Variants in SCHIP1 observed in about 807,000 individuals in gnomAD.
SCHIP1 encodes schwannomin interacting protein 1.
In SCHIP1, 8 loss-of-function variants were observed where a neutral mutation model predicts 29.7. The ratio of observed to expected loss-of-function variants is 0.27; its 90% CI spans 0.16 to 0.49. SCHIP1 has a LOEUF of 0.49. Among genes scored for constraint, SCHIP1 ranks in the 20% least tolerant of loss-of-function variants. The pLI, the probability that SCHIP1 is intolerant of heterozygous loss-of-function variation, is 0.99. For synonymous variants in SCHIP1, 76 were observed against 94.9 expected (o/e 0.80, Z 1.16); for missense variants, 193 against 294.6 (o/e 0.66, Z 2.52).
intron 1 of SCHIP1, among the ~76,000 whole-genome samples, chr3:159,850,019 G>A (rs1712368860): frequency 6.6e-6 from 1 of 152,218 alleles, no homozygotes; most frequent in South Asian, 2.1e-4. Flanking sequence ...CACAGTGGCT[G>A]TTGGAAAGAA....
At chr3:159,492,100 A>G in the SCHIP1 span, among the ~76,000 whole-genome samples, 8 of 152,310 alleles carry the variant, frequency 5.3e-5, no homozygotes, top group South Asian at 6.2e-4. Context: ...CCCCATCTGT[A>G]TGTCACCATC....
chr3:159,714,630 C>T, the SCHIP1 span, among the ~76,000 whole-genome samples: 21 of 152,308 alleles, frequency 1.4e-4, no homozygotes, highest in East Asian at 5.8e-4. Flanking sequence ...CCTACGCCCA[C>T]GGAGCCTTGC....
the SCHIP1 span, among the ~76,000 whole-genome samples, chr3:159,668,233 C>T: frequency 4.7e-4 from 71 of 152,034 alleles, 1 homozygote; most frequent in Middle Eastern, 3.4e-3. Context: ...AAAAATTAGC[C>T]GGGCGTGGTG....
chr3:159,381,067 C>T, the SCHIP1 span, among the ~76,000 whole-genome samples: 1,472 of 152,216 alleles, frequency 9.7e-3, 30 homozygotes, highest in African/African-American at 0.034. Context: ...CAAGGAGATG[C>T]TTAATTTACT....
chr3:159,432,789 T>C, the SCHIP1 span, among the ~76,000 whole-genome samples: 1 of 152,194 alleles, frequency 6.6e-6, no homozygotes, highest in African/African-American at 2.4e-5. Context: ...GGGCAGTGTT[T>C]GCATTGATAA....
chr3:159,498,027 TC>T, the SCHIP1 span, among the ~76,000 whole-genome samples: 1 of 152,228 alleles, frequency 6.6e-6, no homozygotes, highest in Non-Finnish European at 1.5e-5. Flanking sequence ...AAATAGTTTT[TC>T]TCAATCAAGC....
At chr3:159,380,469 C>T in the SCHIP1 span, among the ~76,000 whole-genome samples, 8,766 of 152,130 alleles carry the variant, frequency 0.058, 443 homozygotes, top group African/African-American at 0.13. Flanking sequence ...TATTTCTTTT[C>T]GTAAAAAATA....
At chr3:159,458,563 TC>T in the SCHIP1 span, among the ~76,000 whole-genome samples, 2 of 132,276 alleles carry the variant, frequency 1.5e-5, no homozygotes, top group African/African-American at 2.9e-5. Context: ...AACTGACTTT[TC>T]TTTTTTTTTT....
chr3:159,351,030 T>C, the SCHIP1 span, among the ~76,000 whole-genome samples: 1 of 152,148 alleles, frequency 6.6e-6, no homozygotes, highest in Admixed American at 6.6e-5. Context: ...ATCTGCACAG[T>C]ATTTTGAAAT....
the SCHIP1 span, among the ~76,000 whole-genome samples, chr3:159,532,610 T>A: frequency 2.6e-5 from 4 of 152,102 alleles, no homozygotes; most frequent in African/African-American, 9.7e-5. Context: ...AGGAAAAAAA[T>A]GTCTAAAACA....
At chr3:159,784,310 G>C in the SCHIP1 span, among the ~76,000 whole-genome samples, 4 of 152,240 alleles carry the variant, frequency 2.6e-5, no homozygotes, top group Admixed American at 2.6e-4. Context: ...ATGAAAGAGA[G>C]AAACTCTGTG....
the SCHIP1 span, among the ~76,000 whole-genome samples, chr3:159,364,311 A>G: frequency 6.6e-6 from 1 of 152,226 alleles, no homozygotes; most frequent in African/African-American, 2.4e-5. Context: ...CAATAAAAAT[A>G]CTTCTTGATT....
chr3:159,655,213 T>C, the SCHIP1 span, among the ~76,000 whole-genome samples: 1 of 152,242 alleles, frequency 6.6e-6, no homozygotes, highest in African/African-American at 2.4e-5. Context: ...TGCTACCAGT[T>C]ACTACTGTTG....
the SCHIP1 span, among the ~76,000 whole-genome samples, chr3:159,746,357 G>A: frequency 7.6e-4 from 115 of 152,214 alleles, 1 homozygote; most frequent in Non-Finnish European, 2.6e-4. Context: ...TCACGTGGGA[G>A]AGTACATTGT....
the SCHIP1 span, among the ~76,000 whole-genome samples, chr3:159,690,277 G>C: frequency 3.3e-5 from 5 of 152,202 alleles, no homozygotes; most frequent in Admixed American, 3.3e-4. Context: ...TTCAGAACTT[G>C]TTATTGGTCT....
At chr3:159,582,787 T>TATACACACAC in the SCHIP1 span, among the ~76,000 whole-genome samples, 5 of 144,138 alleles carry the variant, frequency 3.5e-5, no homozygotes, top group South Asian at 2.2e-4. Context: ...AATATATATA[T>TATACACACAC]ACACACACAC....
chr3:159,698,171 C>A, the SCHIP1 span, among the ~76,000 whole-genome samples: 5 of 152,248 alleles, frequency 3.3e-5, no homozygotes, highest in African/African-American at 1.2e-4. Context: ...AAAGGAAATT[C>A]TTTGAATCTT....
At chr3:159,394,724 T>G in the SCHIP1 span, among the ~76,000 whole-genome samples, 97 of 152,326 alleles carry the variant, frequency 6.4e-4, no homozygotes, top group Non-Finnish European at 1.2e-3. Context: ...TGCCAGTATT[T>G]TATTGAGGAT....
chr3:159,866,087 C>A, intron 1 of SCHIP1, 76 bp from the exon 3 acceptor site: 2 of 1,261,246 alleles, frequency 1.6e-6, no homozygotes, highest in Non-Finnish European at 2.3e-6. Flanking sequence ...TTCTAAGAAA[C>A]TTAGCAAGTT....
Sources: allele counts gnomAD v4.1 joint callset (sites outside exome capture counted in the v4.1 genomes callset), GRCh38; gene constraint gnomAD v4.1.1; transcripts MANE v1.5; gene names NCBI Gene and HGNC (gene_info 2026-07-23, HGNC 2026-07-21).